The following UBE2E2 variants were observed in gnomAD, a reference collection of about 807,000 sequenced individuals.
The protein encoded by UBE2E2 is ubiquitin-conjugating enzyme E2 E2.
Under a neutral mutation model 24.7 loss-of-function variants are expected in UBE2E2, and 6 were observed. The ratio of observed to expected loss-of-function variants is 0.24; its 90% confidence interval spans 0.13 to 0.48. The LOEUF (loss-of-function observed/expected upper bound fraction) is 0.48, where lower values mean the gene tolerates loss of function less well. UBE2E2 is among the 20% of genes least tolerant of loss of function. The pLI, the probability that UBE2E2 is intolerant of heterozygous loss-of-function variation, is 0.99. For synonymous variants in UBE2E2, 104 were observed against 83.6 expected (o/e 1.24, Z -1.33); for missense variants, 169 against 245.0 (o/e 0.69, Z 2.07).
chr3:23,564,709 C>A (rs543254668), intron 5 of UBE2E2, among the ~76,000 whole-genome samples: 2 of 152,296 alleles, frequency 1.3e-5, no homozygotes, highest in Admixed American at 1.3e-4. Flanking sequence ...GGGTAGAAAG[C>A]CTGGTGCTTT....
intron 4 of UBE2E2, among the ~76,000 whole-genome samples, chr3:23,517,132 C>T (rs17013398): frequency 0.029 from 4,442 of 151,846 alleles, 111 homozygotes; most frequent in East Asian, 0.13. Context: ...TCTTTTCTAC[C>T]GAGACATCCC....
At chr3:23,556,170 G>T (rs1159801665) in intron 5 of UBE2E2, among the ~76,000 whole-genome samples, 1 of 126,568 alleles carries the variant, frequency 7.9e-6, no homozygotes, top group African/African-American at 3.1e-5. Context: ...TTTTGAGATG[G>T]AGTCTTGCTC....
chr3:23,209,673 C>T (rs893034985), intron 2 of UBE2E2, among the ~76,000 whole-genome samples: 1 of 152,118 alleles, frequency 6.6e-6, no homozygotes, highest in African/African-American at 2.4e-5. Flanking sequence ...TGTTGTATTA[C>T]AGCTTTATAT....
chr3:23,473,936 G>A (rs959565132), intron 3 of UBE2E2, among the ~76,000 whole-genome samples: 2 of 151,978 alleles, frequency 1.3e-5, no homozygotes, highest in African/African-American at 4.8e-5. Context: ...GGGATTGCTG[G>A]ATCAAATGGT....
intron 3 of UBE2E2, among the ~76,000 whole-genome samples, chr3:23,466,508 A>G (rs927277391): frequency 6.6e-6 from 1 of 152,210 alleles, no homozygotes; most frequent in Non-Finnish European, 1.5e-5. Flanking sequence ...CCAGCTTCAA[A>G]ACAGCCTTAT....
In UBE2E2 at chr3:23,306,126, C is replaced by G. The variant is rs150278658; in HGVS notation, c.227+88814C>G. On this transcript the variant is annotated intron_variant, in intron 3 of 5. Transcript: ENST00000396703. ...AAACATTTACTAGCAACCTACGTGG[C>G]CACTGAAATATTTAAAAGAAACTAA... 6.5e-4 allele frequency among the ~76,000 whole-genome samples: 99 copies of G among 152,234 alleles called. 5 individuals are homozygous for G. The East Asian group carries it at 0.016, about 24-fold the overall frequency.
At position 23,211,659 on chromosome 3, in the gene UBE2E2, G is replaced by A. The variant is rs921535101; in HGVS notation, c.176+2784G>A. 3.9e-5 allele frequency among the ~76,000 whole-genome samples: 6 copies of A among 152,216 alleles called. No individual in the cohort carries two copies. In the South Asian group the frequency reaches 1.2e-3, roughly 32 times the overall value. On this transcript the variant is annotated intron_variant, in intron 2 of 5. Coordinates refer to ENST00000396703, the MANE Select transcript of UBE2E2 (RefSeq NM_152653.4). ...GATCCTCCTGCCTTGGTCTCTCAAAGTGTTGGAATTACAGGCATGAACCAC... is the reference window on the plus strand; with the variant it reads ...GATCCTCCTGCCTTGGTCTCTCAAAATGTTGGAATTACAGGCATGAACCAC...
intron 3 of UBE2E2, among the ~76,000 whole-genome samples, chr3:23,243,946 G>T (rs1697320158): frequency 6.6e-6 from 1 of 151,760 alleles, no homozygotes; most frequent in South Asian, 2.1e-4. Context: ...TCACACTCGG[G>T]AGTTTTAGTT....
chr3:23,217,950 A>T (rs1357269381), intron 3 of UBE2E2, among the ~76,000 whole-genome samples: 1 of 152,126 alleles, frequency 6.6e-6, no homozygotes, highest in Non-Finnish European at 1.5e-5. Flanking sequence ...CTCTTACCTT[A>T]TGCTGCTGCT....
intron 3 of UBE2E2, among the ~76,000 whole-genome samples, chr3:23,405,015 A>T (rs879871738): frequency 6.6e-6 from 1 of 152,202 alleles, no homozygotes; most frequent in African/African-American, 2.4e-5. Flanking sequence ...TGTTTTTCTG[A>T]TACTGAAATG....
At chr3:23,428,997 AG>A (rs1478523333) in intron 3 of UBE2E2, among the ~76,000 whole-genome samples, 1 of 151,852 alleles carries the variant, frequency 6.6e-6, no homozygotes, top group Non-Finnish European at 1.5e-5. Context: ...GAACATTAAA[AG>A]GGTAATAAAG....
At chr3:23,524,787 A>G (rs1431171787) in intron 4 of UBE2E2, among the ~76,000 whole-genome samples, 1 of 152,124 alleles carries the variant, frequency 6.6e-6, no homozygotes, top group Non-Finnish European at 1.5e-5. Context: ...GTACAGAAAT[A>G]GCACAGCTTC....
At chr3:23,505,681 T>G (rs895598143) in intron 4 of UBE2E2, among the ~76,000 whole-genome samples, 2 of 152,216 alleles carry the variant, frequency 1.3e-5, no homozygotes, top group South Asian at 4.1e-4. Flanking sequence ...ACCAAGTACA[T>G]TTTAAAATCC....
chr3:23,424,560 A>G (rs140839513), intron 3 of UBE2E2, among the ~76,000 whole-genome samples: 1 of 152,182 alleles, frequency 6.6e-6, no homozygotes, highest in Non-Finnish European at 1.5e-5. Context: ...TATTTTTAGA[A>G]TCTTGTACAA....
At chr3:23,493,401 A>G (rs1186144856) in intron 3 of UBE2E2, among the ~76,000 whole-genome samples, 1 of 152,254 alleles carries the variant, frequency 6.6e-6, no homozygotes, top group Non-Finnish European at 1.5e-5. Flanking sequence ...ATTCTGTTGC[A>G]GAATTTCTCC....
At chr3:23,204,665 C>T in intron 1 of UBE2E2, 1 of 981,590 alleles carries the variant, frequency 1.0e-6, no homozygotes, top group South Asian at 4.7e-5. Flanking sequence ...TAATGCCATA[C>T]CCCATTCTCT....
chr3:23,541,695 C>T (rs1455848318), intron 5 of UBE2E2, among the ~76,000 whole-genome samples: 2 of 152,192 alleles, frequency 1.3e-5, no homozygotes, highest in Non-Finnish European at 2.9e-5. Context: ...TGGTTCTTCC[C>T]CACCACCGCC....
At chr3:23,350,648 G>T (rs886750655) in intron 3 of UBE2E2, among the ~76,000 whole-genome samples, 1 of 152,134 alleles carries the variant, frequency 6.6e-6, no homozygotes, top group Non-Finnish European at 1.5e-5. Flanking sequence ...GATGGAAGAC[G>T]AAATGAATGA....
At chr3:23,510,513 A>T (rs138200707) in intron 4 of UBE2E2, among the ~76,000 whole-genome samples, 78 of 152,278 alleles carry the variant, frequency 5.1e-4, no homozygotes, top group African/African-American at 1.8e-3. Context: ...AGGCTGAGAC[A>T]TGAGAATTGC....
Sources: allele counts gnomAD v4.1 joint callset (sites outside exome capture counted in the v4.1 genomes callset), GRCh38; gene constraint gnomAD v4.1.1; transcripts MANE v1.5; gene names NCBI Gene and HGNC (gene_info 2026-07-23, HGNC 2026-07-21).